The following MDC1 variants were observed in gnomAD, a reference collection of about 807,000 sequenced individuals.
MDC1 encodes the protein mediator of DNA damage checkpoint 1.
Under a neutral mutation model 142.5 loss-of-function variants are expected in MDC1, and 81 were observed. The ratio of observed to expected loss-of-function variants is 0.57; its 90% CI spans 0.47 to 0.68. The LOEUF is 0.68. Ranked by LOEUF, MDC1 falls within the 30% of genes least tolerant of loss-of-function variation. The pLI is 0.00. For synonymous variants in MDC1, 797 were observed against 968.4 expected (o/e 0.82, Z 3.29); for missense variants, 2,119 against 2,547.9 (o/e 0.83, Z 3.62).
In MDC1 at chr6:30,711,484, C is replaced by T. The variant is rs769887826; in HGVS notation, c.2149G>A (p.Glu717Lys). The T allele has an allele frequency of 2.5e-6, 4 of 1,612,994 alleles. No homozygotes were observed. Among genetic ancestry groups the T allele is most frequent in the East Asian group, 2.2e-5 (1 of 44,898 alleles). The change falls in exon 7 of 15, where the codon GAA becomes AAA. Residue 717 changes from glutamate to lysine, a missense_variant. Glu to Lys is a moderately conservative substitution (Grantham distance 56, BLOSUM62 1). Coordinates refer to ENST00000376406, the MANE Select transcript of MDC1 (RefSeq NM_014641.3). Reference sequence around the variant, plus strand: ...GTCAACATGAAGGCCTGGGTAGGTTCATCCTCCATGCTCTGGACTGCTGTA... The same window carrying T: ...GTCAACATGAAGGCCTGGGTAGGTTTATCCTCCATGCTCTGGACTGCTGTA... Reference protein sequence around the residue: ...GLEAVQSMEDEPTQAFMLTPP... With the variant: ...GLEAVQSMEDKPTQAFMLTPP...
chr6:30,712,379 G>T lies in MDC1; in HGVS notation c.1563C>A (p.Ile521=). 1 of 1,613,108 alleles carries T rather than the reference G, an allele frequency of 6.2e-7. No individual in the cohort carries two copies. Among genetic ancestry groups the T allele is most frequent in the Non-Finnish European group, 8.5e-7 (1 of 1,180,046 alleles). Residue 521 remains isoleucine, a synonymous_variant, in exon 5 of 15, where the codon ATC becomes ATA. Coordinates refer to ENST00000376406, the MANE Select transcript of MDC1 (RefSeq NM_014641.3). The surrounding 1 kb of genome is among the most constrained non-coding windows in gnomAD (Gnocchi z 4.7). The part of the protein sequence containing the change: ...ERSQASTTVD[I]NTQVEKEVPP... ...GGACTTCCTTCTCCACTTGTGTGTT[G>T]ATGTCCACTGTGGTGGAGGCTTGGC...
In MDC1 at chr6:30,716,914, G is replaced by A; in HGVS notation, c.-4+331C>T. The A allele has an allele frequency of 1.0e-6, 1 of 984,970 alleles. No homozygotes were observed. The highest frequency in any genetic ancestry group is 1.2e-6 in the Non-Finnish European group (1 of 829,512). 61.0% of individuals were successfully genotyped at this position (984,970 alleles called of 1,614,324 possible). On this transcript the variant is annotated intron_variant, in intron 1 of 14. Transcript: ENST00000376406. This position sits in a 1 kb window ranked among gnomAD's most constrained non-coding sequence, Gnocchi z 4.4. ...TATGCCACTCTAGAGGGAAACTGTT[G>A]ACAGGTAGGGAAAGTAGGATGCCCC...
rs751294270 is a variant in MDC1 at position 30,705,891 on chromosome 6, G to A, written c.3292C>T (p.Leu1098=). 6.2e-7 allele frequency: 1 copy of A among 1,612,802 alleles called. No individual in the cohort carries two copies. The highest frequency in any genetic ancestry group is 1.7e-5 in the Admixed American group (1 of 59,754). Residue 1098 remains leucine, a synonymous_variant, in exon 10 of 15, where the codon CTG becomes TTG. Transcript: ENST00000376406. ...EAPEAPLSSE[L]EPFHPKPKIR... is the part of the protein sequence containing the mutation. ...TTAGGCTTTGGGTGGAAAGGCTCCA[G>A]CTCTGAGGACAAGGGAGCCTCTGGA...
Position 30,705,504 on chromosome 6 carries a change from C to T in MDC1, c.3679G>A (p.Ala1227Thr). 1 of 1,592,724 alleles carries T rather than the reference C, an allele frequency of 6.3e-7. No homozygotes were observed. The highest frequency in any genetic ancestry group is 8.5e-7 in the Non-Finnish European group (1 of 1,173,028). ...RPVTSEPTSQ[A>T]TRGRKNRSSV... The stretch of plus-strand genomic sequence containing the variant: ...GATCTATTTTTTCTTCCCCTAGTAG[C>T]CTGAGAGGTGGGTTCAGAGGTGACA... Residue 1227 changes from alanine to threonine, a missense_variant, in exon 10 of 15, where the codon GCT (alanine) becomes ACT (threonine). Transcript: ENST00000376406.
Position 30,712,328 on chromosome 6 carries a change from T to C in MDC1, c.1614A>G (p.Ile538Met). The C allele has an allele frequency of 6.2e-7, 1 of 1,613,144 alleles. No individual in the cohort carries two copies. The highest frequency in any genetic ancestry group is 1.6e-4 in the Middle Eastern group (1 of 6,062). ...EVPPGSAIIH[I>M]KKHQVSVEGT... Reference sequence around the variant, plus strand: ...CCTCCACAGACACCTGATGCTTCTTTATATGTATAATGGCTGACCCTGGCG... The same window carrying C: ...CCTCCACAGACACCTGATGCTTCTTCATATGTATAATGGCTGACCCTGGCG... Residue 538 changes from isoleucine to methionine, a missense_variant, in exon 5 of 15, where the codon ATA (isoleucine) becomes ATG (methionine). Physicochemically the swap from Ile to Met is conservative, Grantham distance 10. Coordinates refer to ENST00000376406, the MANE Select transcript of MDC1 (RefSeq NM_014641.3). This position sits in a 1 kb window ranked among gnomAD's most constrained non-coding sequence, Gnocchi z 4.7.
At position 30,712,990 on chromosome 6, in the gene MDC1, A is replaced by G. The variant is rs1775144541; in HGVS notation, c.952T>C (p.Leu318=). ...AAGCCAAAAGGCTGAGCCCTTTCCAAATGGACCTCAGCTGGCCTTCCAGGA... is the reference window on the plus strand; with the variant it reads ...AAGCCAAAAGGCTGAGCCCTTTCCAGATGGACCTCAGCTGGCCTTCCAGGA... ...RPPGRPAEVH[L]ERAQPFGFID... Residue 318 remains leucine, a synonymous_variant, in exon 5 of 15, where the codon TTG becomes CTG. Transcript: ENST00000376406. This position sits in a 1 kb window ranked among gnomAD's most constrained non-coding sequence, Gnocchi z 4.7. The G allele has an allele frequency of 6.2e-7, 1 of 1,612,788 alleles. No homozygotes were observed. Among genetic ancestry groups the G allele is most frequent in the Non-Finnish European group, 8.5e-7 (1 of 1,179,876 alleles).
At position 30,716,262 on chromosome 6, in the gene MDC1, C is replaced by T. The variant is rs1373067071; in HGVS notation, c.-4+983G>A. Among the ~76,000 whole-genome samples the T allele has an allele frequency of 1.3e-5, 2 of 150,160 alleles. No individual in the cohort carries two copies. The highest frequency in any genetic ancestry group is 2.5e-5 in the African/African-American group (1 of 40,586). ...TTTTTGAGATGGAATCTCGCTCTGT[C>T]GTCCAGGCTGGACTGCAGTGGTGCT... On this transcript the variant is annotated intron_variant, in intron 1 of 14. Transcript: ENST00000376406. The surrounding 1 kb of genome is among the most constrained non-coding windows in gnomAD (Gnocchi z 4.4).
chr6:30,710,782 AGT>A (rs1490586841), intron 7 of MDC1, among the ~76,000 whole-genome samples: 2 of 152,028 alleles, frequency 1.3e-5, no homozygotes, highest in South Asian at 2.1e-4. Context: ...GTGCTGCAAT[AGT>A]GTGTGTGTGT....
Position 30,703,964 on chromosome 6 carries a change from T to C in MDC1, c.5219A>G (p.Lys1740Arg), listed in dbSNP as rs1371679526. ...PGSLAAPIDH[K>R]PCSAPLEPKS... is the part of the protein sequence containing the mutation. The stretch of plus-strand genomic sequence containing the variant: ...AGGTTCCAAGGGTGCAGAGCAAGGC[T>C]TATGGTCAATGGGAGCTGCGAGGGA... The change falls in exon 10 of 15, where the codon AAG becomes AGG. Residue 1740 changes from lysine (K) to arginine (R), a missense_variant. Lys to Arg is a conservative substitution (Grantham distance 26). Transcript: ENST00000376406. This position sits in a 1 kb window ranked among gnomAD's most constrained non-coding sequence, Gnocchi z 4.4. The C allele has an allele frequency of 6.2e-7, 1 of 1,614,176 alleles. No individual in the cohort carries two copies. Among genetic ancestry groups the C allele is most frequent in the South Asian group, 1.1e-5 (1 of 91,086 alleles).
At chr6:30,701,794 G>A (rs1772735946) in intron 14 of MDC1, among the ~76,000 whole-genome samples, 1 of 152,012 alleles carries the variant, frequency 6.6e-6, no homozygotes, top group South Asian at 2.1e-4. Context: ...ATCAATAATG[G>A]CATTGTGATT....
chr6:30,701,378 C>T (rs754892999), intron 14 of MDC1, among the ~76,000 whole-genome samples: 20 of 151,016 alleles, frequency 1.3e-4, no homozygotes, highest in Non-Finnish European at 2.8e-4. Context: ...TCCAGCCTGG[C>T]GACAGAGTGA....
chr6:30,716,369 G>A lies in MDC1; in HGVS notation c.-4+876C>T, dbSNP rs1325822167. Among the ~76,000 whole-genome samples the A allele has an allele frequency of 6.6e-6, 1 of 152,026 alleles. No homozygotes were observed. The highest frequency in any genetic ancestry group is 1.9e-4 in the East Asian group (1 of 5,186). On this transcript the variant is annotated intron_variant, in intron 1 of 14. Coordinates refer to ENST00000376406, the MANE Select transcript of MDC1 (RefSeq NM_014641.3). This position sits in a 1 kb window ranked among gnomAD's most constrained non-coding sequence, Gnocchi z 4.4. ...CTCCCGAGCAGCTGGGATTACAGGC[G>A]CCCGGCATCACGCCTGGCTAATTTT...
Position 30,713,363 on chromosome 6 carries a change from G to A in MDC1, c.588-9C>T. 1 of 1,551,128 alleles carries A rather than the reference G, an allele frequency of 6.4e-7. No homozygotes were observed. Among genetic ancestry groups the A allele is most frequent in the Non-Finnish European group, 8.7e-7 (1 of 1,156,000 alleles). On this transcript the variant is annotated splice_polypyrimidine_tract_variant and intron_variant, in intron 4 of 14. Coordinates refer to ENST00000376406, the MANE Select transcript of MDC1 (RefSeq NM_014641.3). The surrounding 1 kb of genome is among the most constrained non-coding windows in gnomAD (Gnocchi z 4.9). Reference sequence around the variant, plus strand: ...AATGCCCCTCTTCATCACTGTGAAGGGAAGAAAAGAGAGTCTATAGAATTT... The same window carrying A: ...AATGCCCCTCTTCATCACTGTGAAGAGAAGAAAAGAGAGTCTATAGAATTT...
chr6:30,712,555 G>T lies in MDC1; in HGVS notation c.1387C>A (p.Pro463Thr). Residue 463 changes from proline to threonine, a missense_variant, in exon 5 of 15, where the codon CCA (proline) becomes ACA (threonine). Pro to Thr is a conservative substitution (Grantham distance 38). Transcript: ENST00000376406. The surrounding 1 kb of genome is among the most constrained non-coding windows in gnomAD (Gnocchi z 4.7). The part of the protein sequence containing the change: ...SDTDVEEEEL[P>T]VENREAVLKD... ...AGGACAGCTTCTCTATTTTCCACTG[G>T]GAGCTCTTCCTCCTCCACGTCTGTG... The T allele has an allele frequency of 6.2e-7, 1 of 1,612,932 alleles. No individual in the cohort carries two copies. Among genetic ancestry groups the T allele is most frequent in the Non-Finnish European group, 8.5e-7 (1 of 1,179,996 alleles).
In MDC1 at chr6:30,716,135, T is replaced by C. The variant is rs1208585423; in HGVS notation, c.-3-957A>G. On this transcript the variant is annotated intron_variant, in intron 1 of 14. Transcript: ENST00000376406. This position sits in a 1 kb window ranked among gnomAD's most constrained non-coding sequence, Gnocchi z 4.4. ...CTGTTCTTGTCTTCCCACATCTTCA[T>C]GCCTTAGCCCAATTCCTTGGCTTTT... 6.6e-5 allele frequency among the ~76,000 whole-genome samples: 10 copies of C among 152,332 alleles called. No individual in the cohort carries two copies. In the East Asian group the frequency reaches 1.9e-3, roughly 29 times the overall value.
chr6:30,712,917 G>A lies in MDC1; in HGVS notation c.1025C>T (p.Pro342Leu), dbSNP rs1775131324. ...CCTCTTCTTCATAGGAATGACAACT[G>A]GGGTTGCTGGGATCCTCTCTTCTTC... Reference protein sequence around the residue: ...DAEEERIPATPVVIPMKKRKI... With the variant: ...DAEEERIPATLVVIPMKKRKI... The change falls in exon 5 of 15, where the codon CCA becomes CTA. Residue 342 changes from proline (P) to leucine (L), a missense_variant. Transcript: ENST00000376406. The surrounding 1 kb of genome is among the most constrained non-coding windows in gnomAD (Gnocchi z 4.7). The A allele has an allele frequency of 1.2e-6, 2 of 1,613,074 alleles. No individual in the cohort carries two copies. Among genetic ancestry groups the A allele is most frequent in the East Asian group, 4.5e-5 (2 of 44,890 alleles).
rs1203807995 is a variant in MDC1 at position 30,716,467 on chromosome 6, C to T, written c.-4+778G>A. On this transcript the variant is annotated intron_variant, in intron 1 of 14. Transcript: ENST00000376406. The surrounding 1 kb of genome is among the most constrained non-coding windows in gnomAD (Gnocchi z 4.4). ...CCTCAGGTGATCCGCCCACCTTGGC[C>T]ACCCAAAGTGTTGGGATTACAGCAG... Among the ~76,000 whole-genome samples the T allele has an allele frequency of 1.3e-5, 2 of 152,188 alleles. No individual in the cohort carries two copies. Among genetic ancestry groups the T allele is most frequent in the Admixed American group, 6.5e-5 (1 of 15,272 alleles).
At chr6:30,700,719 A>G in intron 14 of MDC1, 87 bp from the exon 15 acceptor site, 2 of 1,338,398 alleles carry the variant, frequency 1.5e-6, no homozygotes, top group Non-Finnish European at 2.1e-6. Flanking sequence ...TACCATCACT[A>G]AAATAATACC....
rs773879218 is a variant in MDC1, at chr6:30,711,710, G to A, written c.2085C>T (p.Asp695=). 5.6e-6 allele frequency: 9 copies of A among 1,612,712 alleles called. No individual in the cohort carries two copies. In the African/African-American group the frequency reaches 9.3e-5, roughly 17 times the overall value. Residue 695 remains aspartate, a synonymous_variant, in exon 6 of 15, where the codon GAC becomes GAT. Coordinates refer to ENST00000376406, the MANE Select transcript of MDC1 (RefSeq NM_014641.3). The stretch of plus-strand genomic sequence containing the variant: ...CCAGAAAGCACTGGGTAGCTTGTAG[G>A]TCCAGATCTTCAGAATCTGGTCGGG... ...EDNYGDSEDL[D]LQATQCFLEN...
Sources: gnomAD v4.1 joint callset for allele counts (sites outside exome capture counted in the v4.1 genomes callset) on GRCh38, gnomAD v4.1.1 for gene constraint, Gnocchi (gnomAD v3.1) non-coding constraint, MANE v1.5 for transcripts, NCBI Gene and HGNC (gene_info 2026-07-23, HGNC 2026-07-21) for gene names.